XXYLT1: variants seen among roughly 807,000 people sequenced by gnomAD.
XXYLT1 encodes the protein UDP-xylose:alpha-xyloside alpha-1,3-xylosyltransferase.
XXYLT1 carries 20 observed loss-of-function variants against 28.9 expected under a neutral mutation model. That is an observed-to-expected ratio of 0.69 (90% CI 0.49 to 1.00). The LOEUF is 1.00. Among genes scored for constraint, XXYLT1 ranks in the 50% least tolerant of loss-of-function variants. XXYLT1 has a pLI of 0.00. For missense variants in XXYLT1, 542 were observed against 560.1 expected, an observed-to-expected ratio of 0.97 and a Z score of 0.33; for synonymous variants, 257 against 253.8, an observed-to-expected ratio of 1.01 and a Z score of -0.12.
At chr3:195,213,555 C>T (rs752031842) in intron 2 of XXYLT1, among the ~76,000 whole-genome samples, 20 of 152,146 alleles carry the variant, frequency 1.3e-4, no homozygotes, top group African/African-American at 7.2e-5. Flanking sequence ...TGAGCCACCA[C>T]GCCCGGCGAG....
intron 3 of XXYLT1, among the ~76,000 whole-genome samples, chr3:195,116,089 G>T (rs1718029359): frequency 6.6e-6 from 1 of 152,120 alleles, no homozygotes; most frequent in African/African-American, 2.4e-5. Flanking sequence ...GGGGTGTGTT[G>T]AGCTTTCCTG....
chr3:195,196,813 T>C (rs964270178), intron 2 of XXYLT1, among the ~76,000 whole-genome samples: 3 of 152,022 alleles, frequency 2.0e-5, no homozygotes, highest in Admixed American at 6.6e-5. Context: ...GAGACAAGAC[T>C]AAACTGGCTA....
chr3:195,085,284 C>T (rs1044429403), intron 3 of XXYLT1, among the ~76,000 whole-genome samples: 9 of 152,230 alleles, frequency 5.9e-5, no homozygotes, highest in Admixed American at 5.9e-4. Flanking sequence ...CCGACCTCTC[C>T]AAACCTCTTG....
intron 3 of XXYLT1, among the ~76,000 whole-genome samples, chr3:195,089,536 T>C (rs1281125063): frequency 2.0e-5 from 3 of 151,718 alleles, no homozygotes; most frequent in Admixed American, 2.0e-4. Flanking sequence ...GCGCTAAACA[T>C]GGAAGGGAAC....
intron 2 of XXYLT1, among the ~76,000 whole-genome samples, chr3:195,214,017 C>T (rs760318226): frequency 2.0e-5 from 3 of 152,196 alleles, no homozygotes; most frequent in Non-Finnish European, 2.9e-5. Flanking sequence ...CCACTGTTAC[C>T]TGCATCACTG....
chr3:195,164,272 C>CATCCAG (rs1482919976), intron 2 of XXYLT1, among the ~76,000 whole-genome samples: 1 of 152,246 alleles, frequency 6.6e-6, no homozygotes, highest in Admixed American at 6.5e-5. Flanking sequence ...ACTGGCCCCA[C>CATCCAG]ATCCAGATCC....
At chr3:195,268,288 G>A (rs950566777) in intron 1 of XXYLT1, among the ~76,000 whole-genome samples, 5 of 151,542 alleles carry the variant, frequency 3.3e-5, no homozygotes, top group Admixed American at 1.3e-4. Context: ...AAAATTAGCC[G>A]GGCGTGGTGG....
chr3:195,125,605 AT>A (rs1718576701), intron 3 of XXYLT1, among the ~76,000 whole-genome samples: 1 of 152,260 alleles, frequency 6.6e-6, no homozygotes, highest in African/African-American at 2.4e-5. Context: ...GTGGGGGGTC[AT>A]CCTCCATCAG....
chr3:195,086,730 G>C lies in XXYLT1; in HGVS notation c.786-16619C>G, dbSNP rs189467930. Among the ~76,000 whole-genome samples, 4 of 152,268 alleles carry C rather than the reference G, an allele frequency of 2.6e-5. No homozygotes were observed. In the East Asian group the frequency reaches 7.7e-4, roughly 29 times the overall value. ...AGGCAGGAGGATGCTTTGGTGATGG[G>C]GGGGAGGGTGGCAGTGCCAAGGATG... On this transcript the variant is annotated intron_variant, in intron 3 of 3. Transcript: ENST00000310380.
intron 1 of XXYLT1, among the ~76,000 whole-genome samples, chr3:195,263,761 C>A (rs191351431): frequency 1.3e-5 from 2 of 152,298 alleles, no homozygotes; most frequent in Non-Finnish European, 2.9e-5. Context: ...GCAACCCAGT[C>A]TCAGGCTCTG....
chr3:195,189,271 A>G (rs1376379002), intron 2 of XXYLT1, among the ~76,000 whole-genome samples: 1 of 152,228 alleles, frequency 6.6e-6, no homozygotes, highest in Non-Finnish European at 1.5e-5. Flanking sequence ...AAAAGTACTA[A>G]GCAAAGCCAT....
chr3:195,070,947 C>G (rs1714770325), intron 3 of XXYLT1, among the ~76,000 whole-genome samples: 1 of 152,198 alleles, frequency 6.6e-6, no homozygotes, highest in Admixed American at 6.5e-5. Context: ...GAGTGTTAGC[C>G]TCTTCTAGGT....
At chr3:195,198,185 T>TACTG (rs1448304266) in intron 2 of XXYLT1, among the ~76,000 whole-genome samples, 2 of 152,200 alleles carry the variant, frequency 1.3e-5, no homozygotes, top group African/African-American at 4.8e-5. Flanking sequence ...ATGGAGCAAG[T>TACTG]ACTGACACAA....
chr3:195,192,323 G>T (rs1250526192), intron 2 of XXYLT1, among the ~76,000 whole-genome samples: 1 of 151,924 alleles, frequency 6.6e-6, no homozygotes, highest in Non-Finnish European at 1.5e-5. Context: ...TACTTGGGAG[G>T]CCGAGGTTGT....
chr3:195,182,531 G>A (rs56283237), intron 2 of XXYLT1, among the ~76,000 whole-genome samples: 3 of 152,012 alleles, frequency 2.0e-5, no homozygotes, highest in Admixed American at 6.5e-5. Context: ...CTCACTAGAC[G>A]AGCACAGTGT....
At chr3:195,146,060 C>A (rs58948928) in intron 3 of XXYLT1, among the ~76,000 whole-genome samples, 25,103 of 152,228 alleles carry the variant, frequency 0.16, 2,386 homozygotes, top group East Asian at 0.41. Flanking sequence ...TCTGCTGCTA[C>A]CCTGGAAGCA....
chr3:195,161,807 G>A (rs908311333), intron 2 of XXYLT1, among the ~76,000 whole-genome samples: 3 of 151,886 alleles, frequency 2.0e-5, no homozygotes, highest in African/African-American at 4.8e-5. Flanking sequence ...TAGTAGAGAC[G>A]GGGTTTCACC....
intron 3 of XXYLT1, among the ~76,000 whole-genome samples, chr3:195,121,367 G>A (rs964591877): frequency 2.0e-5 from 3 of 152,168 alleles, no homozygotes; most frequent in Non-Finnish European, 2.9e-5. Flanking sequence ...GTTGGTGCAC[G>A]CAGGATGGAT....
chr3:195,174,689 C>CTCCCT (rs1306083138), intron 2 of XXYLT1, among the ~76,000 whole-genome samples: 1 of 132,216 alleles, frequency 7.6e-6, no homozygotes, highest in Non-Finnish European at 1.6e-5. Flanking sequence ...TCCCCCCTCC[C>CTCCCT]TCCCTTCCCT....
Sources: gnomAD v4.1 joint callset for allele counts (sites outside exome capture counted in the v4.1 genomes callset) on GRCh38, gnomAD v4.1.1 for gene constraint, MANE v1.5 for transcripts, NCBI Gene and HGNC (gene_info 2026-07-23, HGNC 2026-07-21) for gene names.